The following SERPINB8 variants were observed in gnomAD, a reference collection of about 807,000 sequenced individuals.
SERPINB8 encodes the protein serpin family B member 8.
Under a neutral mutation model 35.3 loss-of-function variants are expected in SERPINB8, and 25 were observed. That is an observed-to-expected ratio of 0.71 (90% CI 0.52 to 0.99). The LOEUF (loss-of-function observed/expected upper bound fraction) is 0.99, where lower values mean the gene tolerates loss of function less well. Among genes scored for constraint, SERPINB8 ranks in the 50% least tolerant of loss-of-function variants. The probability of loss-of-function intolerance (pLI) is 0.00; values close to 1 mark genes in which losing one functional copy is unlikely to be tolerated. For missense variants in SERPINB8, 484 were observed against 446.5 expected, an observed-to-expected ratio of 1.08 and a Z score of -0.76; for synonymous variants, 186 against 160.8, an observed-to-expected ratio of 1.16 and a Z score of -1.19.
chr18:63,979,603 A>G (rs2050637441), intron 2 of SERPINB8, among the ~76,000 whole-genome samples, 198 bp from the exon 3 acceptor site: 1 of 152,176 alleles, frequency 6.6e-6, no homozygotes, highest in Admixed American at 6.5e-5. Context: ...CAATGCTTAT[A>G]TGAGACAAGG....
Position 63,970,127 on chromosome 18 carries a change from A to T in SERPINB8, c.-54A>T. ...TCTACAAAGGAGGAATAGTCAAAGC[A>T]GCAGCGGCGGCGGCGGCGGCGGCAG... On this transcript the variant is annotated 5_prime_UTR_variant, in exon 1 of 7. Coordinates refer to ENST00000397985, the MANE Select transcript of SERPINB8 (RefSeq NM_002640.4). 1 of 319,922 alleles carries T rather than the reference A, an allele frequency of 3.1e-6. No individual in the cohort carries two copies. The allele number at this position is 319,922 out of a possible 1,614,324, so 19.8% of individuals were successfully genotyped here.
downstream of SERPINB8, among the ~76,000 whole-genome samples, chr18:63,994,337 TTCTCTCTCTC>T (rs374249422): frequency 1.3e-5 from 2 of 149,742 alleles, no homozygotes; most frequent in African/African-American, 4.9e-5. Flanking sequence ...CCCTCTCTCT[TTCTCTCTCTC>T]TCTCTCTCTC....
exon 8 of SERPINB8, chr18:64,019,667 C>T (rs1439900541): frequency 1.3e-5 from 2 of 151,952 alleles, no homozygotes; most frequent in East Asian, 3.9e-4. Context: ...AGTAAGTGGT[C>T]AGTACATTTT....
chr18:63,971,118 G>C (rs544349193), intron 1 of SERPINB8, among the ~76,000 whole-genome samples: 1 of 152,222 alleles, frequency 6.6e-6, no homozygotes, highest in South Asian at 2.1e-4. Context: ...CGTCTCCCCA[G>C]TTCTCCCAGC....
chr18:64,010,151 A>C (rs1202299479), downstream of SERPINB8, among the ~76,000 whole-genome samples: 1 of 152,162 alleles, frequency 6.6e-6, no homozygotes, highest in African/African-American at 2.4e-5. Flanking sequence ...ACAAAAGATA[A>C]AATAATAAAA....
intron 7 of SERPINB8, among the ~76,000 whole-genome samples, chr18:64,018,394 G>A (rs770711252): frequency 6.6e-6 from 1 of 152,112 alleles, no homozygotes; most frequent in Non-Finnish European, 1.5e-5. Context: ...GCAAATCAAT[G>A]CAAAGTGAAT....
intron 6 of SERPINB8, 84 bp downstream of exon 6, chr18:63,985,329 G>T (rs949126536): frequency 1.3e-6 from 2 of 1,492,830 alleles, no homozygotes; most frequent in African/African-American, 2.8e-5. Flanking sequence ...TGGCATTTGA[G>T]GAGTTTCCAG....
At chr18:63,972,939 C>A (rs1304511581) in intron 1 of SERPINB8, among the ~76,000 whole-genome samples, 1 of 152,104 alleles carries the variant, frequency 6.6e-6, no homozygotes, top group South Asian at 2.1e-4. Context: ...TGAATAGTGC[C>A]GCAATAAACA....
downstream of SERPINB8, among the ~76,000 whole-genome samples, chr18:64,009,748 C>T (rs1486449324): frequency 2.0e-5 from 3 of 152,126 alleles, no homozygotes; most frequent in Non-Finnish European, 4.4e-5. Flanking sequence ...AGTTGGATAT[C>T]AATAATGCCC....
chr18:63,983,648 T>C lies in SERPINB8; in HGVS notation c.494T>C (p.Ile165Thr). ...ACAAAGCTGGTCCTTGTGAATGCCA[T>C]TTATTTCAAGGGAAAGTGGAATGAG... is the stretch of plus-strand genomic sequence containing the variant. Reference protein sequence around the residue: ...PLTKLVLVNAIYFKGKWNEQF... With the variant: ...PLTKLVLVNATYFKGKWNEQF... The change falls in exon 5 of 7, where the codon ATT becomes ACT. Residue 165 changes from isoleucine (I) to threonine (T), a missense_variant. Coordinates refer to ENST00000397985, the MANE Select transcript of SERPINB8 (RefSeq NM_002640.4). 2 of 1,613,832 alleles carry C rather than the reference T, an allele frequency of 1.2e-6. 1 individual carries two copies.
At chr18:64,012,637 A>C (rs2144850807) in intron 7 of SERPINB8, among the ~76,000 whole-genome samples, 1 of 151,730 alleles carries the variant, frequency 6.6e-6, no homozygotes, top group African/African-American at 2.4e-5. Flanking sequence ...ATCCTATCAA[A>C]ATTTTTAATA....
At chr18:64,009,893 A>G (rs1399479961), downstream of SERPINB8, among the ~76,000 whole-genome samples, 1 of 152,222 alleles carries the variant, frequency 6.6e-6, no homozygotes, top group African/African-American at 2.4e-5. Context: ...TTTTTGTCAT[A>G]TATTTGTGAC....
intron 1 of SERPINB8, among the ~76,000 whole-genome samples, chr18:63,994,564 G>A (rs1354820229): frequency 6.6e-6 from 1 of 152,134 alleles, no homozygotes; most frequent in Non-Finnish European, 1.5e-5. Flanking sequence ...GTGCTAATGT[G>A]TTGTTTACAG....
chr18:63,990,932 C>T (rs1025928051), downstream of SERPINB8, among the ~76,000 whole-genome samples: 1 of 152,196 alleles, frequency 6.6e-6, no homozygotes, highest in Non-Finnish European at 1.5e-5. Context: ...TCCTTTTTGG[C>T]CTATGATCAA....
chr18:63,989,800 G>A (rs1018567982), downstream of SERPINB8, among the ~76,000 whole-genome samples: 28 of 150,924 alleles, frequency 1.9e-4, no homozygotes, highest in Non-Finnish European at 3.7e-4. Flanking sequence ...AAAATTAGCT[G>A]GGCGTAGTGG....
At chr18:64,013,543 G>A (rs2050935645) in intron 7 of SERPINB8, among the ~76,000 whole-genome samples, 1 of 152,104 alleles carries the variant, frequency 6.6e-6, no homozygotes, top group Admixed American at 6.5e-5. Context: ...TTTATGGATT[G>A]TCTCCTTGTG....
At chr18:64,006,931 A>G (rs1229286946), downstream of SERPINB8, among the ~76,000 whole-genome samples, 4 of 152,180 alleles carry the variant, frequency 2.6e-5, no homozygotes, top group Non-Finnish European at 5.9e-5. Context: ...AGAAATGTGT[A>G]AGTAGAATAA....
intron 1 of SERPINB8, among the ~76,000 whole-genome samples, chr18:63,973,278 A>G (rs1215190960): frequency 6.6e-6 from 1 of 152,236 alleles, no homozygotes; most frequent in Non-Finnish European, 1.5e-5. Context: ...TGTTGCCTGC[A>G]TAAATGTCTT....
intron 7 of SERPINB8, among the ~76,000 whole-genome samples, chr18:64,012,892 G>A (rs951299108): frequency 3.9e-5 from 6 of 152,080 alleles, no homozygotes; most frequent in African/African-American, 1.4e-4. Flanking sequence ...GGACAAATAT[G>A]TCGACCTGCA....
Sources: gnomAD v4.1 joint callset for allele counts (sites outside exome capture counted in the v4.1 genomes callset) on GRCh38, gnomAD v4.1.1 for gene constraint, MANE v1.5 for transcripts, NCBI Gene and HGNC (gene_info 2026-07-23, HGNC 2026-07-21) for gene names.